The following TRAK2 variants were observed in gnomAD, a reference collection of about 807,000 sequenced individuals.
TRAK2 encodes trafficking kinesin protein 2.
A neutral mutation model predicts 104.6 loss-of-function variants in TRAK2; 81 were observed. The ratio of observed to expected loss-of-function variants is 0.77; its 90% CI spans 0.65 to 0.93. The LOEUF is 0.93. Ranked by LOEUF, TRAK2 falls within the 40% of genes least tolerant of loss-of-function variation. The probability of loss-of-function intolerance (pLI) is 0.00; values close to 1 mark genes in which losing one functional copy is unlikely to be tolerated. For missense variants in TRAK2, 1,002 were observed against 1,089.0 expected (o/e 0.92, Z 1.12); for synonymous variants, 406 against 394.4 (o/e 1.03, Z -0.35).
At position 201,438,210 on chromosome 2, in the gene TRAK2, A is replaced by G. The variant is rs1181283789; in HGVS notation, c.-200+13140T>C. On this transcript the variant is annotated intron_variant, in intron 1 of 15. Coordinates refer to ENST00000332624, the MANE Select transcript of TRAK2 (RefSeq NM_015049.3). ...TCGTGCCTTTACTGAACAATAAAAC[A>G]AACGAAACTAGCACTCCGAAGGTTT... is the stretch of plus-strand genomic sequence containing the variant. Among the ~76,000 whole-genome samples, 5 of 152,354 alleles carry G rather than the reference A, an allele frequency of 3.3e-5. No homozygotes were observed. The East Asian group carries it at 9.6e-4, about 29-fold the overall frequency.
chr2:201,413,351 T>G, intron 2 of TRAK2: 3 of 883,206 alleles, frequency 3.4e-6, no homozygotes, highest in South Asian at 1.8e-5. Context: ...TCCCTCTCCT[T>G]CCAGGAGGGG....
intron 6 of TRAK2, 120 bp from the exon 7 acceptor site, chr2:201,397,700 C>G (rs184270786): frequency 1.4e-6 from 1 of 716,836 alleles, no homozygotes; most frequent in Admixed American, 2.6e-5. Flanking sequence ...AAAAACCCAA[C>G]AACCTGTTCA....
intron 1 of TRAK2, among the ~76,000 whole-genome samples, chr2:201,448,202 C>G (rs1291277202): frequency 1.3e-5 from 2 of 152,222 alleles, no homozygotes; most frequent in Non-Finnish European, 2.9e-5. Flanking sequence ...ATGACTAACT[C>G]ATAATGAAAG....
chr2:201,427,780 T>C (rs191531338), intron 1 of TRAK2, among the ~76,000 whole-genome samples: 1 of 152,320 alleles, frequency 6.6e-6, no homozygotes, highest in Non-Finnish European at 1.5e-5. Context: ...TAGTTTACGC[T>C]CCCACCAACA....
intron 1 of TRAK2, among the ~76,000 whole-genome samples, chr2:201,441,887 TCAC>T (rs1951927638): frequency 6.6e-6 from 1 of 151,474 alleles, no homozygotes; most frequent in Non-Finnish European, 1.5e-5. Flanking sequence ...AGATGGGGTT[TCAC>T]CACATGTTGG....
At chr2:201,410,613 A>G in intron 2 of TRAK2, 1 of 1,293,520 alleles carries the variant, frequency 7.7e-7, no homozygotes, top group South Asian at 1.2e-5. Flanking sequence ...GTGGCTATGC[A>G]AAGTTCTGTG....
rs144474863 is a variant in TRAK2 at position 201,381,023 on chromosome 2, G to A, written c.2265C>T (p.Tyr755=). The change falls in exon 16 of 16, where the codon TAC becomes TAT. Residue 755 remains tyrosine, a synonymous_variant. Coordinates refer to ENST00000332624, the MANE Select transcript of TRAK2 (RefSeq NM_015049.3). The part of the protein sequence containing the change: ...LQERGISAKV[Y]HSPISENPLQ... ...GGGGGTTCTCTGAAATTGGGCTGTG[G>A]TACACTTTGGCAGAGATGCCTCGCT... 178 of 1,613,994 alleles carry A rather than the reference G, an allele frequency of 1.1e-4. No individual in the cohort carries two copies. Among genetic ancestry groups the A allele is most frequent in the Non-Finnish European group, 1.4e-4 (165 of 1,180,014 alleles).
chr2:201,380,903 T>C lies in TRAK2; in HGVS notation c.2385A>G (p.Arg795=), dbSNP rs181577493. ...PCPSPLPFEP[R]VHLSENFLAS... is the part of the protein sequence containing the mutation. ...CCAAAAAATTTTCAGAGAGATGCAC[T>C]CGAGGCTCAAAGGGTAAAGGAGAAG... Residue 795 remains arginine (R), a synonymous_variant, in exon 16 of 16, where the codon CGA becomes CGG. Transcript: ENST00000332624. 31 of 1,613,934 alleles carry C rather than the reference T, an allele frequency of 1.9e-5. No individual in the cohort carries two copies. Among genetic ancestry groups the C allele is most frequent in the Non-Finnish European group, 2.6e-5 (31 of 1,179,988 alleles).
At chr2:201,389,156 T>C (rs1485280931) in intron 12 of TRAK2, 144 bp downstream of exon 12, 9 of 800,792 alleles carry the variant, frequency 1.1e-5, no homozygotes, top group Non-Finnish European at 1.8e-5. Flanking sequence ...TCATGAATAA[T>C]GATACAAGGC....
At chr2:201,418,875 T>G (rs1229812521) in intron 2 of TRAK2, among the ~76,000 whole-genome samples, 1 of 152,204 alleles carries the variant, frequency 6.6e-6, no homozygotes, top group Non-Finnish European at 1.5e-5. Flanking sequence ...AACTGATAAC[T>G]CCATCAAAAT....
At chr2:201,449,833 C>T (rs1283047337) in intron 1 of TRAK2, among the ~76,000 whole-genome samples, 2 of 151,838 alleles carry the variant, frequency 1.3e-5, no homozygotes, top group Admixed American at 6.6e-5. Context: ...TTAGTAGAGA[C>T]GGGGTTTCAC....
In TRAK2 at chr2:201,381,356, C is replaced by T. The variant is rs887442275; in HGVS notation, c.2070-138G>A. 1.2e-5 allele frequency: 9 copies of T among 753,070 alleles called. No individual in the cohort carries two copies. The African/African-American group carries it at 1.6e-4, about 13-fold the overall frequency. The allele number at this position is 753,070 out of a possible 1,614,324, so 46.6% of individuals were successfully genotyped here. On this transcript the variant is annotated intron_variant, in intron 15 of 15. Transcript: ENST00000332624. ...CAACAAACACATCCGTAACTGTATG[C>T]TGTGGAACAGATCTGGGGAATGAAA...
Position 201,379,933 on chromosome 2 carries a change from A to G in TRAK2, c.*610T>C, listed in dbSNP as rs1457150484. 6.6e-6 allele frequency: 1 copy of G among 152,196 alleles called. No homozygotes were observed. The highest frequency in any genetic ancestry group is 1.5e-5 in the Non-Finnish European group (1 of 68,082). 9.4% of individuals were successfully genotyped at this position (152,196 alleles called of 1,614,324 possible). ...CAGGGGCTCAAAGGCCTGAAAACAG[A>G]AAGGAAAATAGGAGTCTCCACCTGT... On this transcript the variant is annotated 3_prime_UTR_variant, in exon 16 of 16. Transcript: ENST00000332624.
intron 2 of TRAK2, chr2:201,419,254 G>C (rs998199874): frequency 2.0e-5 from 3 of 152,594 alleles, no homozygotes; most frequent in Non-Finnish European, 4.4e-5. Flanking sequence ...ACAGCCCACA[G>C]GCCAACTTCG....
At chr2:201,428,713 T>A (rs1286549420) in intron 1 of TRAK2, among the ~76,000 whole-genome samples, 1 of 152,208 alleles carries the variant, frequency 6.6e-6, no homozygotes, top group East Asian at 1.9e-4. Context: ...AGGAAGTCAT[T>A]GGTAGCTTGA....
Position 201,401,145 on chromosome 2 carries a change from T to A in TRAK2, c.287-51A>T, listed in dbSNP as rs1011715119. The A allele has an allele frequency of 9.6e-6, 12 of 1,255,714 alleles. No individual in the cohort carries two copies. The Middle Eastern group carries it at 5.8e-4, about 60-fold the overall frequency. The allele number at this position is 1,255,714 out of a possible 1,614,324, so 77.8% of individuals were successfully genotyped here. ...ATAGGCTTTAGCAATAATGAAAAAA[T>A]TTAAATATTAATAAGAATTGAGAGA... On this transcript the variant is annotated intron_variant, in intron 3 of 15. Transcript: ENST00000332624.
At chr2:201,388,924 T>C (rs187052997) in intron 12 of TRAK2, among the ~76,000 whole-genome samples, 122 of 152,190 alleles carry the variant, frequency 8.0e-4, no homozygotes, top group Admixed American at 4.4e-3. Flanking sequence ...TAGAATTCAA[T>C]GTACTGAATT....
chr2:201,383,163 T>C (rs1361493569), intron 15 of TRAK2, among the ~76,000 whole-genome samples: 1 of 152,238 alleles, frequency 6.6e-6, no homozygotes, highest in East Asian at 1.9e-4. Context: ...TATTAGAATA[T>C]TCAAGTTCTA....
intron 11 of TRAK2, 82 bp downstream of exon 11, chr2:201,389,711 GAATCTCGT>G (rs1260665721): frequency 8.1e-7 from 1 of 1,232,252 alleles, no homozygotes; most frequent in Non-Finnish European, 1.2e-6. Flanking sequence ...AATTACTACT[GAATCTCGT>G]AATACTTGCC....
Sources: gnomAD v4.1 joint callset for allele counts (sites outside exome capture counted in the v4.1 genomes callset) on GRCh38, gnomAD v4.1.1 for gene constraint, MANE v1.5 for transcripts, NCBI Gene and HGNC (gene_info 2026-07-23, HGNC 2026-07-21) for gene names.